Variants in XCL1 observed in about 807,000 individuals in gnomAD.
The protein encoded by XCL1 is lymphotactin.
Under a neutral mutation model 7.4 loss-of-function variants are expected in XCL1, and 6 were observed. The observed-to-expected ratio is 0.82, with a 90% confidence interval of 0.45 to 1.61. The LOEUF (loss-of-function observed/expected upper bound fraction) is 1.61, where lower values mean the gene tolerates loss of function less well. Among genes scored for constraint, XCL1 ranks in the 40% most tolerant of loss-of-function variants. XCL1 has a pLI of 0.01. For missense variants in XCL1, 122 were observed against 138.2 expected, an observed-to-expected ratio of 0.88 and a Z score of 0.59; for synonymous variants, 48 against 52.4, an observed-to-expected ratio of 0.92 and a Z score of 0.36.
intron 1 of XCL1, chr1:168,579,128 T>C: frequency 2.4e-6 from 1 of 419,198 alleles, no homozygotes; most frequent in South Asian, 1.9e-5. Context: ...CTCTGGTCAG[T>C]ACTTGTGGAT....
In XCL1 at chr1:168,580,182, G is replaced by A; in HGVS notation, c.176+5G>A. The stretch of plus-strand genomic sequence containing the variant: ...AGGCTCCTTGAGAGCAGTAATGTGA[G>A]TCTGCCTCCTCAGAAGTTGTGCTGG... On this transcript the variant is annotated splice_donor_5th_base_variant and intron_variant, in intron 2 of 2. Transcript: ENST00000367818. 1 of 1,613,516 alleles carries A rather than the reference G, an allele frequency of 6.2e-7. No homozygotes were observed. The highest frequency in any genetic ancestry group is 1.3e-5 in the African/African-American group (1 of 74,992).
Position 168,582,018 on chromosome 1 carries a change from G to A in XCL1, c.*798G>A, listed in dbSNP as rs1655185529. On this transcript the variant is annotated 3_prime_UTR_variant, in exon 3 of 3. Coordinates refer to ENST00000367818, the MANE Select transcript of XCL1 (RefSeq NM_002995.3). ...GCTGACCCATGCAATATTTCCTCAT[G>A]TGATCACAATTTGCAGTAAACTTTT... is the stretch of plus-strand genomic sequence containing the variant. 6.6e-6 allele frequency: 1 copy of A among 152,146 alleles called. No individual in the cohort carries two copies. Among genetic ancestry groups the A allele is most frequent in the African/African-American group, 2.4e-5 (1 of 41,426 alleles). The allele number at this position is 152,146 out of a possible 1,614,324, so 9.4% of individuals were successfully genotyped here.
Position 168,581,039 on chromosome 1 carries a change from C to T in XCL1, c.177-13C>T. 1 of 1,612,860 alleles carries T rather than the reference C, an allele frequency of 6.2e-7. No homozygotes were observed. The highest frequency in any genetic ancestry group is 1.3e-5 in the African/African-American group (1 of 75,020). ...ATGTGGCTAACTTCGTCTGTCTTTT[C>T]CTTGCGTTACAGTTTTATTACCAAA... On this transcript the variant is annotated splice_polypyrimidine_tract_variant and intron_variant, in intron 2 of 2. Transcript: ENST00000367818.
chr1:168,578,230 T>C (rs1446480078), intron 1 of XCL1, among the ~76,000 whole-genome samples: 1 of 152,186 alleles, frequency 6.6e-6, no homozygotes, highest in Non-Finnish European at 1.5e-5. Context: ...GAAGAAATGA[T>C]GAAGAAAAGC....
intron 2 of XCL1, among the ~76,000 whole-genome samples, 199 bp downstream of exon 2, chr1:168,580,376 C>T (rs1196106881): frequency 6.6e-6 from 1 of 152,186 alleles, no homozygotes; most frequent in Non-Finnish European, 1.5e-5. Context: ...AGAAATTGGG[C>T]TGCCAAAGAA....
intron 1 of XCL1, among the ~76,000 whole-genome samples, chr1:168,577,755 G>A (rs895425682): frequency 6.6e-6 from 1 of 152,130 alleles, no homozygotes; most frequent in Admixed American, 6.5e-5. Flanking sequence ...TGAGACAATG[G>A]GCATACCATT....
intron 1 of XCL1, among the ~76,000 whole-genome samples, chr1:168,578,310 C>T (rs1405560959): frequency 6.6e-6 from 1 of 152,196 alleles, no homozygotes; most frequent in Non-Finnish European, 1.5e-5. Context: ...ACACTACAGA[C>T]CAATGTTGGC....
rs1318878091 is a variant in XCL1, at chr1:168,576,671, T to C, written c.34T>C (p.Cys12Arg). ...RLLILALLGI[C>R]SLTAYIVEGV... is the part of the protein sequence containing the mutation. ...TCTCATCCTGGCCCTCCTTGGCATC[T>C]GCTCTCTCACTGCATACATTGTGGA... The change falls in exon 1 of 3, where the codon TGC becomes CGC. Residue 12 changes from cysteine (C) to arginine (R), a missense_variant. By Grantham distance (180) the Cys-to-Arg change is radical (BLOSUM62 -3). Coordinates refer to ENST00000367818, the MANE Select transcript of XCL1 (RefSeq NM_002995.3). The C allele has an allele frequency of 1.9e-6, 3 of 1,613,672 alleles. No homozygotes were observed. The highest frequency in any genetic ancestry group is 2.5e-6 in the Non-Finnish European group (3 of 1,179,816).
At position 168,581,154 on chromosome 1, in the gene XCL1, C is replaced by T; in HGVS notation, c.279C>T (p.Asn93=). 1.9e-6 allele frequency: 3 copies of T among 1,613,820 alleles called. No individual in the cohort carries two copies. The highest frequency in any genetic ancestry group is 2.5e-6 in the Non-Finnish European group (3 of 1,179,802). The change falls in exon 3 of 3, where the codon AAC becomes AAT. Residue 93 remains asparagine (N), a synonymous_variant. Transcript: ENST00000367818. ...SMDRKSNTRN[N]MIQTKPTGTQ... is the part of the protein sequence containing the mutation. ...ACAGGAAATCCAACACCAGAAATAACATGATCCAGACCAAGCCAACAGGAA... is the reference window on the plus strand; with the variant it reads ...ACAGGAAATCCAACACCAGAAATAATATGATCCAGACCAAGCCAACAGGAA...
rs1478535560 is a variant in XCL1, at chr1:168,581,919, T to C, written c.*699T>C. ...CAATAATCTCACTACCTTATTAGGA[T>C]TTCTGTATTTGCCATTACGCTAGTT... On this transcript the variant is annotated 3_prime_UTR_variant, in exon 3 of 3. Transcript: ENST00000367818. 1 of 152,218 alleles carries C rather than the reference T, an allele frequency of 6.6e-6. No individual in the cohort carries two copies. The highest frequency in any genetic ancestry group is 2.4e-5 in the African/African-American group (1 of 41,470). The allele number at this position is 152,218 out of a possible 1,614,324, so 9.4% of individuals were successfully genotyped here.
chr1:168,581,328 T>A lies in XCL1; in HGVS notation c.*108T>A. ...TATGAAAGCACTGCATGAATAAAAT[T>A]ATTCCTTTGTATTTTTACTTTTAAA... is the stretch of plus-strand genomic sequence containing the variant. On this transcript the variant is annotated 3_prime_UTR_variant, in exon 3 of 3. Coordinates refer to ENST00000367818, the MANE Select transcript of XCL1 (RefSeq NM_002995.3). 2 of 1,374,690 alleles carry A rather than the reference T, an allele frequency of 1.5e-6. No homozygotes were observed. Among genetic ancestry groups the A allele is most frequent in the Non-Finnish European group, 1.9e-6 (2 of 1,036,004 alleles). The allele number at this position is 1,374,690 out of a possible 1,614,324, so 85.2% of individuals were successfully genotyped here.
Position 168,576,626 on chromosome 1 carries a change from A to G in XCL1, c.-12A>G, listed in dbSNP as rs116453184. 169,965 of 1,513,842 alleles carry G rather than the reference A, an allele frequency of 0.11. 5,428 individuals carry two copies. The highest frequency in any genetic ancestry group is 0.21 in the African/African-American group (14,665 of 70,310). The allele number at this position is 1,513,842 out of a possible 1,614,324, so 93.8% of individuals were successfully genotyped here. On this transcript the variant is annotated 5_prime_UTR_variant, in exon 1 of 3. Coordinates refer to ENST00000367818, the MANE Select transcript of XCL1 (RefSeq NM_002995.3). ...CCTCACTCTCCTTGCACAGCTCAGC[A>G]GGACCTCAGCCATGAGACTTCTCAT... is the stretch of plus-strand genomic sequence containing the variant.
Position 168,576,805 on chromosome 1 carries a change from G to A in XCL1, c.61+107G>A, listed in dbSNP as rs903535010. 2.2e-4 allele frequency: 329 copies of A among 1,517,046 alleles called. 1 individual carries two copies. The highest frequency in any genetic ancestry group is 2.8e-4 in the Non-Finnish European group (306 of 1,106,054). 94.0% of individuals were successfully genotyped at this position (1,517,046 alleles called of 1,614,324 possible). A position where few individuals can be genotyped will look rare whatever the true frequency, so the allele number is the denominator to read the frequency against. ...GACTGGACTAACCTGCTTTCCCCAG[G>A]GGAGCCTTAAACTTCCCATGTGCAA... On this transcript the variant is annotated intron_variant, in intron 1 of 2. Coordinates refer to ENST00000367818, the MANE Select transcript of XCL1 (RefSeq NM_002995.3).
Position 168,576,940 on chromosome 1 carries a change from T to C in XCL1, c.61+242T>C, listed in dbSNP as rs1655037760. Among the ~76,000 whole-genome samples the C allele has an allele frequency of 2.0e-5, 3 of 152,334 alleles. No individual in the cohort carries two copies. The East Asian group carries it at 5.8e-4, about 29-fold the overall frequency. On this transcript the variant is annotated intron_variant, in intron 1 of 2. Coordinates refer to ENST00000367818, the MANE Select transcript of XCL1 (RefSeq NM_002995.3). ...TCCTAATTGGGTAATTTCAGGTAAA[T>C]TCCTTAACCACTCAGGGCCTGTGCT... is the stretch of plus-strand genomic sequence containing the variant.
At chr1:168,578,165 TAAA>T (rs770819392) in intron 1 of XCL1, among the ~76,000 whole-genome samples, 2 of 152,110 alleles carry the variant, frequency 1.3e-5, no homozygotes, top group Non-Finnish European at 2.9e-5. Context: ...AATTCACCAC[TAAA>T]AATAAATTGG....
chr1:168,577,245 A>AAAG (rs1655045811), intron 1 of XCL1, among the ~76,000 whole-genome samples: 2 of 152,162 alleles, frequency 1.3e-5, no homozygotes, highest in African/African-American at 4.8e-5. Flanking sequence ...TCAATACAAA[A>AAAG]CTAAGCCCCA....
chr1:168,579,764 T>G (rs1287628476), intron 1 of XCL1, among the ~76,000 whole-genome samples: 1 of 152,142 alleles, frequency 6.6e-6, no homozygotes, highest in Non-Finnish European at 1.5e-5. Flanking sequence ...GGGCATTTGC[T>G]AGCCGTCCCA....
rs470869 is a variant in XCL1 at position 168,581,208 on chromosome 1, T to C, written c.333T>C (p.Thr111=). ...GTQQSTNTAV[T]LTG The stretch of plus-strand genomic sequence containing the variant: ...AGCAATCGACCAATACAGCTGTGAC[T>C]CTGACTGGCTAGTAGTCTCTGGCAC... The change falls in exon 3 of 3, where the codon ACT becomes ACC. Residue 111 remains threonine (T), a synonymous_variant. Coordinates refer to ENST00000367818, the MANE Select transcript of XCL1 (RefSeq NM_002995.3). The C allele has an allele frequency of 1.4e-3, 2,324 of 1,611,832 alleles. 23 individuals are homozygous for C. The African/African-American group carries it at 0.02, about 14-fold the overall frequency.
In XCL1 at chr1:168,580,194, A is replaced by G. The variant is rs1655128353; in HGVS notation, c.176+17A>G. The G allele has an allele frequency of 4.3e-6, 7 of 1,612,698 alleles. No homozygotes were observed. The highest frequency in any genetic ancestry group is 5.1e-6 in the Non-Finnish European group (6 of 1,179,068). On this transcript the variant is annotated intron_variant, in intron 2 of 2. Transcript: ENST00000367818. ...AGCAGTAATGTGAGTCTGCCTCCTC[A>G]GAAGTTGTGCTGGGTGGGTATCTAG...
Sources: gnomAD v4.1 joint callset for allele counts (sites outside exome capture counted in the v4.1 genomes callset) on GRCh38, gnomAD v4.1.1 for gene constraint, MANE v1.5 for transcripts, NCBI Gene and HGNC (gene_info 2026-07-23, HGNC 2026-07-21) for gene names.